The following JAG2 variants were observed in gnomAD, a reference collection of about 807,000 sequenced individuals.
JAG2 encodes the protein protein jagged-2.
JAG2 carries 46 observed loss-of-function variants against 141.7 expected under a neutral mutation model. The observed-to-expected ratio is 0.32, with a 90% CI of 0.26 to 0.42. The LOEUF (loss-of-function observed/expected upper bound fraction) is 0.42, where lower values mean the gene tolerates loss of function less well. Among genes scored for constraint, JAG2 ranks in the 10% least tolerant of loss-of-function variants. The pLI is 1.00. For synonymous variants in JAG2, 862 were observed against 763.5 expected, an observed-to-expected ratio of 1.13 and a Z score of -2.13; for missense variants, 1,500 against 1,817.5, an observed-to-expected ratio of 0.83 and a Z score of 3.18.
At position 105,167,703 on chromosome 14, in the gene JAG2, C is replaced by T. The variant is rs1425719061; in HGVS notation, c.417+54G>A. On this transcript the variant is annotated intron_variant, in intron 2 of 25. Transcript: ENST00000331782. This position sits in a 1 kb window ranked among gnomAD's most constrained non-coding sequence, Gnocchi z 4.8. ...TTGGGGGTCGCGAAGCGCGCGGGGC[C>T]GGGGCGCGGAGAGAGAGGGAAGGGC... 8 of 1,371,130 alleles carry T rather than the reference C, an allele frequency of 5.8e-6. No homozygotes were observed. The highest frequency in any genetic ancestry group is 6.6e-6 in the Non-Finnish European group (7 of 1,061,866). The allele number at this position is 1,371,130 out of a possible 1,614,324, so 84.9% of individuals were successfully genotyped here. A position where few individuals can be genotyped will look rare whatever the true frequency, so the allele number is the denominator to read the frequency against.
chr14:105,146,019 G>T, intron 22 of JAG2, 46 bp from the exon 23 acceptor site: 2 of 1,573,358 alleles, frequency 1.3e-6, no homozygotes, highest in South Asian at 1.2e-5. Context: ...GCACAGGAGG[G>T]TCAGATGCAG....
intron 2 of JAG2, among the ~76,000 whole-genome samples, chr14:105,161,762 G>A (rs374617510): frequency 7.9e-5 from 12 of 152,286 alleles, no homozygotes; most frequent in African/African-American, 2.9e-4. Context: ...GTCCTTCCAG[G>A]ACTCAGTTGC....
intron 5 of JAG2, among the ~76,000 whole-genome samples, chr14:105,152,623 C>T (rs1358896089): frequency 1.3e-5 from 2 of 152,026 alleles, no homozygotes; most frequent in Non-Finnish European, 2.9e-5. Flanking sequence ...AATGCCGGCT[C>T]GGACTCACAA....
rs780919494 is a variant in JAG2 at position 105,151,957 on chromosome 14, C to T, written c.1020G>A (p.Ser340=). 1.2e-5 allele frequency: 20 copies of T among 1,613,064 alleles called. No homozygotes were observed. Among genetic ancestry groups the T allele is most frequent in the Admixed American group, 3.3e-5 (2 of 60,006 alleles). The change falls in exon 7 of 26, where the codon TCG becomes TCA. Residue 340 remains serine (S), a synonymous_variant. Coordinates refer to ENST00000331782, the MANE Select transcript of JAG2 (RefSeq NM_002226.5). ...QYRCTCPDGY[S]GRNCEKAEHA... ...ACGTACCCTTCTCACAGTTCCTGCC[C>T]GAGTAGCCGTCAGGGCAGGTGCAGC...
chr14:105,158,298 C>T (rs1036513831), intron 2 of JAG2, among the ~76,000 whole-genome samples: 2 of 152,136 alleles, frequency 1.3e-5, no homozygotes, highest in Non-Finnish European at 2.9e-5. Context: ...CCCAACAGGC[C>T]GGAGCTCAGG....
At chr14:105,149,574 G>A (rs1888347781) in intron 12 of JAG2, among the ~76,000 whole-genome samples, 1 of 151,814 alleles carries the variant, frequency 6.6e-6, no homozygotes, top group Admixed American at 6.6e-5. Flanking sequence ...CGGGAGGAGT[G>A]TGGCCTTGGC....
At chr14:105,157,206 G>T (rs1171755923) in intron 3 of JAG2, among the ~76,000 whole-genome samples, 1 of 152,142 alleles carries the variant, frequency 6.6e-6, no homozygotes, top group East Asian at 1.9e-4. Context: ...CATGATCTGA[G>T]CCCAGCCCCG....
intron 5 of JAG2, 42 bp downstream of exon 5, chr14:105,155,520 G>A (rs372705813): frequency 9.3e-6 from 15 of 1,607,792 alleles, no homozygotes; most frequent in African/African-American, 6.7e-5. Flanking sequence ...GGACGTGAGG[G>A]CAAAGGTTGG....
intron 24 of JAG2, among the ~76,000 whole-genome samples, chr14:105,144,575 G>T (rs1888165459): frequency 6.6e-6 from 1 of 152,176 alleles, no homozygotes; most frequent in Non-Finnish European, 1.5e-5. Flanking sequence ...CCAGGTCCAG[G>T]GCAGGTGCCA....
chr14:105,143,298 G>A (rs1888120017), intron 25 of JAG2, 128 bp from the exon 26 acceptor site: 26 of 1,317,884 alleles, frequency 2.0e-5, no homozygotes, highest in Middle Eastern at 2.5e-4. Flanking sequence ...TTGCTGGCTC[G>A]TGGGGAGGGT....
chr14:105,158,100 G>A (rs1421480061), intron 2 of JAG2, among the ~76,000 whole-genome samples: 4 of 152,166 alleles, frequency 2.6e-5, no homozygotes, highest in Non-Finnish European at 4.4e-5. Flanking sequence ...GGTGGGCAAA[G>A]GGCAGCCTGG....
Position 105,146,421 on chromosome 14 carries a change from G to A in JAG2, c.2673C>T (p.Ser891=), listed in dbSNP as rs777850074. Residue 891 remains serine, a synonymous_variant, in exon 22 of 26, where the codon AGC becomes AGT. Transcript: ENST00000331782. ...CACGGCGGCCATCCAGGCAGCGGCA[G>A]CTGTTGCAGTCTTCCACCCAGGAGC... The part of the protein sequence containing the change: ...HGSSWVEDCN[S]CRCLDGRRDC... 5 of 1,612,608 alleles carry A rather than the reference G, an allele frequency of 3.1e-6. No homozygotes were observed. Among genetic ancestry groups the A allele is most frequent in the African/African-American group, 1.3e-5 (1 of 74,932 alleles).
chr14:105,161,181 T>C (rs1595187896), intron 2 of JAG2, among the ~76,000 whole-genome samples: 1 of 115,648 alleles, frequency 8.6e-6, no homozygotes, highest in African/African-American at 3.5e-5. Flanking sequence ...TTGTTGGGGG[T>C]CTGAGTGAGG....
At chr14:105,163,344 C>G (rs1463658881) in intron 2 of JAG2, among the ~76,000 whole-genome samples, 1 of 152,172 alleles carries the variant, frequency 6.6e-6, no homozygotes, top group African/African-American at 2.4e-5. Flanking sequence ...CGCAGGAACA[C>G]ACACACCCAT....
At chr14:105,150,405 C>A (rs1198525501) in intron 12 of JAG2, among the ~76,000 whole-genome samples, 199 bp downstream of exon 12, 11 of 152,156 alleles carry the variant, frequency 7.2e-5, no homozygotes. Flanking sequence ...CAAGCAATGG[C>A]CACAGGGGGC....
rs763290949 is a variant in JAG2 at position 105,167,854 on chromosome 14, G to C, written c.320C>G (p.Pro107Arg). 9.8e-6 allele frequency: 15 copies of C among 1,536,162 alleles called. No homozygotes were observed. The East Asian group carries it at 2.7e-4, about 27-fold the overall frequency. The change falls in exon 2 of 26, where the codon CCG becomes CGG. Residue 107 changes from proline (P) to arginine (R), a missense_variant. Physicochemically the swap from Pro to Arg is moderately radical, Grantham distance 103. Around this residue, in one of 3 missense-constraint regions of JAG2, gnomAD observed 200 missense variants for 174.3 expected, o/e 1.15. Transcript: ENST00000331782. This position sits in a 1 kb window ranked among gnomAD's most constrained non-coding sequence, Gnocchi z 4.8. Reference protein sequence around the residue: ...VLGGNSFYLPPAGAAGDRARA... With the variant: ...VLGGNSFYLPRAGAAGDRARA... ...CGCTCGGTCCCCCGCAGCGCCCGCC[G>C]GCGGCAGGTAGAAGGAGTTGCCGCC... is the stretch of plus-strand genomic sequence containing the variant.
intron 3 of JAG2, among the ~76,000 whole-genome samples, 196 bp downstream of exon 3, chr14:105,157,510 G>A (rs1245004720): frequency 1.3e-5 from 2 of 152,218 alleles, no homozygotes; most frequent in African/African-American, 4.8e-5. Flanking sequence ...AGCCAGGACT[G>A]GGGAAGAGAG....
intron 5 of JAG2, among the ~76,000 whole-genome samples, chr14:105,155,201 C>T (rs1888543552): frequency 6.6e-6 from 1 of 151,760 alleles, no homozygotes; most frequent in Non-Finnish European, 1.5e-5. Context: ...GCTGGTGTCA[C>T]TTGCCGGCCG....
chr14:105,148,165 G>A lies in JAG2; in HGVS notation c.2199C>T (p.Thr733=). The A allele has an allele frequency of 6.4e-7, 1 of 1,551,506 alleles. No individual in the cohort carries two copies. The highest frequency in any genetic ancestry group is 8.7e-7 in the Non-Finnish European group (1 of 1,147,640). ...AGCCGGGGGGGCAGGCGCAGCGGAA[G>A]GTGTCGCCGCTGTCGTAGCAGGTGC... ...NGGTCYDSGD[T]FRCACPPGWK... The change falls in exon 17 of 26, where the codon ACC becomes ACT. Residue 733 remains threonine, a synonymous_variant. Transcript: ENST00000331782.
Sources: gnomAD v4.1 joint callset for allele counts (sites outside exome capture counted in the v4.1 genomes callset) on GRCh38, gnomAD v4.1.1 for gene constraint, gnomAD v4.1.1 regional missense constraint, Gnocchi (gnomAD v3.1) non-coding constraint, MANE v1.5 for transcripts, NCBI Gene and HGNC (gene_info 2026-07-23, HGNC 2026-07-21) for gene names.